Variants in CACNA1S observed in about 807,000 individuals in gnomAD.
CACNA1S encodes the protein voltage-dependent L-type calcium channel subunit alpha-1S.
A neutral mutation model predicts 207.4 loss-of-function variants in CACNA1S; 126 were observed. The observed-to-expected ratio is 0.61, with a 90% CI of 0.53 to 0.70. The LOEUF is 0.70. CACNA1S is among the 30% of genes least tolerant of loss of function. The pLI is 0.00. For missense variants in CACNA1S, 2,349 were observed against 2,422.8 expected, an observed-to-expected ratio of 0.97 and a Z score of 0.64; for synonymous variants, 960 against 932.7, an observed-to-expected ratio of 1.03 and a Z score of -0.53.
chr1:201,100,324 A>G (rs1662602780), intron 2 of CACNA1S, among the ~76,000 whole-genome samples: 1 of 152,236 alleles, frequency 6.6e-6, no homozygotes, highest in Admixed American at 6.5e-5. Flanking sequence ...GACTGAAGCA[A>G]CAGCGTTTCT....
At position 201,044,331 on chromosome 1, in the gene CACNA1S, G is replaced by A; in HGVS notation, c.4794C>T (p.Phe1598=). 1.2e-6 allele frequency: 2 copies of A among 1,613,320 alleles called. No individual in the cohort carries two copies. The highest frequency in any genetic ancestry group is 1.7e-6 in the Non-Finnish European group (2 of 1,179,628). The part of the protein sequence containing the change: ...MVEAAMEEGI[F]RRTGGLFGQV... The stretch of plus-strand genomic sequence containing the variant: ...GGTGCTCCTGGCTCTCCCTCACCCG[G>A]AATATTCCCTCCTCCATCGCAGCCT... The change falls in exon 39 of 44, where the codon TTC becomes TTT. Residue 1598 remains phenylalanine, a synonymous_variant. Transcript: ENST00000362061.
chr1:201,061,556 C>A, intron 24 of CACNA1S, 88 bp from the exon 25 acceptor site: 3 of 1,275,816 alleles, frequency 2.4e-6, no homozygotes, highest in Admixed American at 1.9e-5. Flanking sequence ...ATCCCACTGG[C>A]TGTGGAGAGC....
intron 28 of CACNA1S, among the ~76,000 whole-genome samples, chr1:201,056,345 C>T (rs1160374691): frequency 6.6e-6 from 1 of 152,214 alleles, no homozygotes; most frequent in Non-Finnish European, 1.5e-5. Flanking sequence ...TCAGCCATTC[C>T]TCTCACCCAC....
chr1:201,066,439 A>C lies in CACNA1S; in HGVS notation c.2658-123T>G, dbSNP rs568929438. On this transcript the variant is annotated intron_variant, in intron 20 of 43. Coordinates refer to ENST00000362061, the MANE Select transcript of CACNA1S (RefSeq NM_000069.3). This position sits in a 1 kb window ranked among gnomAD's most constrained non-coding sequence, Gnocchi z 4.3. ...TGCCTTTCTGCCTGAAAACACTCCCACCTTCCCCTTCCCTTTCCTCCAGCC... is the reference window on the plus strand; with the variant it reads ...TGCCTTTCTGCCTGAAAACACTCCCCCCTTCCCCTTCCCTTTCCTCCAGCC... 3 of 819,656 alleles carry C rather than the reference A, an allele frequency of 3.7e-6. No homozygotes were observed. The highest frequency in any genetic ancestry group is 1.7e-5 in the African/African-American group (1 of 59,160). 50.8% of individuals were successfully genotyped at this position (819,656 alleles called of 1,614,324 possible). A position where few individuals can be genotyped will look rare whatever the true frequency, so the allele number is the denominator to read the frequency against.
At position 201,092,134 on chromosome 1, in the gene CACNA1S, G is replaced by T; in HGVS notation, c.399-20C>A. 16 of 1,614,100 alleles carry T rather than the reference G, an allele frequency of 9.9e-6. No individual in the cohort carries two copies. Among genetic ancestry groups the T allele is most frequent in the Non-Finnish European group, 1.4e-5 (16 of 1,179,986 alleles). ...AAGACCCTAGAATGGAGAAGAGGGA[G>T]AGAGGGGGTCCAGGGGTTGGAAAAG... On this transcript the variant is annotated intron_variant, in intron 3 of 43. Transcript: ENST00000362061.
In CACNA1S at chr1:201,091,726, A is replaced by C; in HGVS notation, c.608T>G (p.Val203Gly). 1 of 1,614,092 alleles carries C rather than the reference A, an allele frequency of 6.2e-7. No individual in the cohort carries two copies. The highest frequency in any genetic ancestry group is 8.5e-7 in the Non-Finnish European group (1 of 1,179,924). The change falls in exon 5 of 44, where the codon GTC becomes GGC. Residue 203 changes from valine to glycine, a missense_variant. Coordinates refer to ENST00000362061, the MANE Select transcript of CACNA1S (RefSeq NM_000069.3). ...GGCATAGATGATGACCATAAAGAGGACCAGCAGGGCGATGTGAAAGAGGGG... is the reference window on the plus strand; with the variant it reads ...GGCATAGATGATGACCATAAAGAGGCCCAGCAGGGCGATGTGAAAGAGGGG... ...MLPLFHIALL[V>G]LFMVIIYAII... is the part of the protein sequence containing the mutation.
At chr1:201,104,745 A>G (rs997752367) in intron 2 of CACNA1S, among the ~76,000 whole-genome samples, 1 of 152,246 alleles carries the variant, frequency 6.6e-6, no homozygotes, top group Admixed American at 6.5e-5. Flanking sequence ...AAAAGCAATC[A>G]GTTTATCATG....
chr1:201,109,046 G>A (rs1284213531), intron 2 of CACNA1S, among the ~76,000 whole-genome samples: 9 of 152,120 alleles, frequency 5.9e-5, no homozygotes, highest in East Asian at 1.9e-4. Context: ...TCAGGAGTTC[G>A]AGGCCAGCCT....
intron 13 of CACNA1S, 49 bp downstream of exon 13, chr1:201,075,446 C>CCCCCCCCCCCCCCCATCCCTTTTTTT: frequency 6.3e-7 from 1 of 1,597,468 alleles, no homozygotes; most frequent in Non-Finnish European, 8.6e-7. Context: ...AGCCCTTTCC[C>CCCCCCCCCCCCCCCATCCCTTTTTTT]CCACCCCCTC....
At position 201,047,600 on chromosome 1, in the gene CACNA1S, G is replaced by A. The variant is rs149036408; in HGVS notation, c.4468C>T (p.Leu1490=). The A allele has an allele frequency of 4.0e-5, 64 of 1,614,160 alleles. No homozygotes were observed. In the East Asian group the frequency reaches 9.1e-4, roughly 23 times the overall value. Residue 1490 remains leucine (L), a synonymous_variant, in exon 37 of 44, where the codon CTG becomes TTG. Transcript: ENST00000362061. The part of the protein sequence containing the change: ...EGNFEQANEE[L]RAIIKKIWKR... ...CAGATCTTCTTGATGATGGCCCTCA[G>A]CTCCTCGTTGGCCTGCTCAAAGTTA...
At chr1:201,048,890 C>A (rs1222243404) in intron 35 of CACNA1S, 113 bp downstream of exon 35, 6 of 929,048 alleles carry the variant, frequency 6.5e-6, no homozygotes, top group Non-Finnish European at 8.6e-6. Flanking sequence ...ACTTGGGGAC[C>A]CAGGAGATCC....
chr1:201,085,081 T>A, intron 8 of CACNA1S, 50 bp from the exon 9 acceptor site: 1 of 1,268,944 alleles, frequency 7.9e-7, no homozygotes, highest in South Asian at 1.2e-5. Flanking sequence ...CCCTCTGGGC[T>A]GGACACACCT....
At chr1:201,097,536 A>G (rs543531715) in intron 2 of CACNA1S, among the ~76,000 whole-genome samples, 1 of 152,076 alleles carries the variant, frequency 6.6e-6, no homozygotes, top group South Asian at 2.1e-4. Context: ...CTGACCCCCC[A>G]CAGGGAGCAC....
In CACNA1S at chr1:201,058,448, A is replaced by G. The variant is rs1405148658; in HGVS notation, c.3569T>C (p.Val1190Ala). ...GATGACATCAATGATGCTGCCAATG[A>G]CAATCAGGAAGTCAAACACATTCCA... ...DPWNVFDFLI[V>A]IGSIIDVILS... is the part of the protein sequence containing the mutation. The change falls in exon 28 of 44, where the codon GTC (valine) becomes GCC (alanine). Residue 1190 changes from valine (V) to alanine (A), a missense_variant. By Grantham distance (64) the Val-to-Ala change is moderately conservative. Coordinates refer to ENST00000362061, the MANE Select transcript of CACNA1S (RefSeq NM_000069.3). 19 of 1,614,212 alleles carry G rather than the reference A, an allele frequency of 1.2e-5. No homozygotes were observed. Among genetic ancestry groups the G allele is most frequent in the Non-Finnish European group, 1.6e-5 (19 of 1,180,040 alleles).
In CACNA1S at chr1:201,085,530, C is replaced by G; in HGVS notation, c.1056G>C (p.Lys352Asn). The change falls in exon 8 of 44, where the codon AAG (lysine) becomes AAC (asparagine). Residue 352 changes from lysine to asparagine, a missense_variant. Lys to Asn is a moderately conservative substitution (Grantham distance 94, BLOSUM62 0). Coordinates refer to ENST00000362061, the MANE Select transcript of CACNA1S (RefSeq NM_000069.3). ...EKAKSRGTFQ[K>N]LREKQQLDED... ...CATCTAGTTGCTGCTTCTCCCGGAG[C>G]TTCTGGAAGGTTCCCCTGGACTTGG... 1 of 1,613,514 alleles carries G rather than the reference C, an allele frequency of 6.2e-7. No individual in the cohort carries two copies. The highest frequency in any genetic ancestry group is 8.5e-7 in the Non-Finnish European group (1 of 1,179,944).
chr1:201,060,924 G>A (rs1440030166), intron 25 of CACNA1S, 108 bp from the exon 26 acceptor site: 12 of 1,379,664 alleles, frequency 8.7e-6, no homozygotes, highest in African/African-American at 1.4e-5. Flanking sequence ...GTGGCCAGGG[G>A]CTGTGGCTGA....
At chr1:201,111,007 C>T (rs1004728110) in intron 1 of CACNA1S, among the ~76,000 whole-genome samples, 26 of 152,126 alleles carry the variant, frequency 1.7e-4, no homozygotes, top group African/African-American at 6.3e-4. Context: ...CAGAAAAATC[C>T]CATTCTCTTC....
intron 28 of CACNA1S, among the ~76,000 whole-genome samples, chr1:201,056,116 TCAGAGCC>T (rs1476770768): frequency 8.8e-6 from 1 of 113,434 alleles, no homozygotes; most frequent in East Asian, 3.9e-4. Flanking sequence ...CTGGTTTTGC[TCAGAGCC>T]CACCCTGCCC....
rs74875474 is a variant in CACNA1S at position 201,112,162 on chromosome 1, C to A, written c.152+26G>T. 1.3e-3 allele frequency: 2,009 copies of A among 1,607,044 alleles called. 31 individuals carry two copies. In the South Asian group the frequency reaches 0.018, roughly 14 times the overall value. On this transcript the variant is annotated intron_variant, in intron 1 of 43. Coordinates refer to ENST00000362061, the MANE Select transcript of CACNA1S (RefSeq NM_000069.3). Reference sequence around the variant, plus strand: ...CCCTCCCTCATGACGCACACCCCCCCCCACGGCCCGGGCCCTGAAGGATAC... The same window carrying A: ...CCCTCCCTCATGACGCACACCCCCCACCACGGCCCGGGCCCTGAAGGATAC...
Sources: gnomAD v4.1 joint callset for allele counts (sites outside exome capture counted in the v4.1 genomes callset) on GRCh38, gnomAD v4.1.1 for gene constraint, Gnocchi (gnomAD v3.1) non-coding constraint, MANE v1.5 for transcripts, NCBI Gene and HGNC (gene_info 2026-07-23, HGNC 2026-07-21) for gene names.